The following CEP164 variants were observed in gnomAD, a reference collection of about 807,000 sequenced individuals.
The protein encoded by CEP164 is centrosomal protein 164, also known as centrosomal protein of 164 kDa.
In CEP164, 162 loss-of-function variants were observed where a neutral mutation model predicts 182.7. That is an observed-to-expected ratio of 0.89 (90% CI 0.78 to 1.01). The LOEUF (loss-of-function observed/expected upper bound fraction) is 1.01, where lower values mean the gene tolerates loss of function less well. Ranked by LOEUF, CEP164 falls within the 50% of genes least tolerant of loss-of-function variation. The probability of loss-of-function intolerance (pLI) is 0.00; values close to 1 mark genes in which losing one functional copy is unlikely to be tolerated. For missense variants in CEP164, 1,735 were observed against 1,790.4 expected (o/e 0.97, Z 0.56); for synonymous variants, 661 against 690.0 (o/e 0.96, Z 0.66).
chr11:117,391,949 T>G (rs1353696457), intron 17 of CEP164, among the ~76,000 whole-genome samples: 1 of 152,214 alleles, frequency 6.6e-6, no homozygotes, highest in Non-Finnish European at 1.5e-5. Flanking sequence ...GAGCACCATC[T>G]GTGGATCTGT....
chr11:117,336,073 G>A (rs1457787547), intron 2 of CEP164, among the ~76,000 whole-genome samples: 3 of 151,952 alleles, frequency 2.0e-5, no homozygotes, highest in African/African-American at 7.3e-5. Context: ...CAACAGCAGG[G>A]TGAGGCTCAG....
chr11:117,380,254 T>A (rs1440820389), intron 11 of CEP164, among the ~76,000 whole-genome samples: 1 of 152,136 alleles, frequency 6.6e-6, no homozygotes, highest in Non-Finnish European at 1.5e-5. Context: ...ACTCATGGAT[T>A]TCTCTGCTTT....
intron 14 of CEP164, chr11:117,386,345 A>G (rs1425683572): frequency 6.6e-6 from 1 of 152,236 alleles, no homozygotes; most frequent in Admixed American, 6.5e-5. Flanking sequence ...GAATGTTCTC[A>G]GGATTCCTCT....
At chr11:117,401,945 T>A (rs2136657216) in intron 27 of CEP164, among the ~76,000 whole-genome samples, 1 of 152,316 alleles carries the variant, frequency 6.6e-6, no homozygotes, top group Admixed American at 6.5e-5. Context: ...TTGATTTTTT[T>A]AAAGGGTTTT....
rs2041021444 is a variant in CEP164, at chr11:117,361,870, T to C, written c.429T>C (p.Pro143=). ...LGSSLAPVHV[P]LGGLAPLRGL... Reference sequence around the variant, plus strand: ...CCTCATTAGCCCCAGTTCATGTTCCTCTTGGGGGCCTGGCTCCTTTACGAG... The same window carrying C: ...CCTCATTAGCCCCAGTTCATGTTCCCCTTGGGGGCCTGGCTCCTTTACGAG... Residue 143 remains proline, a synonymous_variant, in exon 6 of 33, where the codon CCT becomes CCC. Transcript: ENST00000278935. 1.2e-6 allele frequency: 2 copies of C among 1,614,108 alleles called. No individual in the cohort carries two copies. The highest frequency in any genetic ancestry group is 2.2e-5 in the East Asian group (1 of 44,898).
Position 117,333,972 on chromosome 11 carries a change from G to A in CEP164, c.-97-1633G>A, listed in dbSNP as rs11216358. 7.0e-3 allele frequency among the ~76,000 whole-genome samples: 1,059 copies of A among 152,222 alleles called. 46 individuals carry two copies. Among genetic ancestry groups the A allele is most frequent in the Admixed American group, 0.063 (958 of 15,288 alleles). On this transcript the variant is annotated intron_variant, in intron 1 of 32. Coordinates refer to ENST00000278935, the MANE Select transcript of CEP164 (RefSeq NM_014956.5). ...CTTTTGCATGCATCTGTTAGAACAC[G>A]CTTTCCTTTTTTTCTTTGTCTAGTG...
chr11:117,350,912 G>T (rs1348829197), intron 4 of CEP164, among the ~76,000 whole-genome samples: 2 of 152,004 alleles, frequency 1.3e-5, no homozygotes, highest in Non-Finnish European at 2.9e-5. Flanking sequence ...TGTTGTTAAT[G>T]GTGGATGAGA....
chr11:117,394,948 A>G lies in CEP164; in HGVS notation c.2789A>G (p.Asp930Gly). The G allele has an allele frequency of 6.2e-7, 1 of 1,614,100 alleles. No individual in the cohort carries two copies. Among genetic ancestry groups the G allele is most frequent in the Non-Finnish European group, 8.5e-7 (1 of 1,180,006 alleles). ...AGGAAGCTCCAGGATTTAGAGTTGG[A>G]CCTTGAAACCAGAGCTAAAGATGTC... is the stretch of plus-strand genomic sequence containing the variant. ...QERKLQDLEL[D>G]LETRAKDVKA... Residue 930 changes from aspartate to glycine, a missense_variant, in exon 22 of 33, where the codon GAC (aspartate) becomes GGC (glycine). Transcript: ENST00000278935. The surrounding 1 kb of genome is among the most constrained non-coding windows in gnomAD (Gnocchi z 4.0).
intron 30 of CEP164, chr11:117,410,415 G>A (rs1283809567): frequency 3.5e-6 from 1 of 285,534 alleles, no homozygotes; most frequent in Non-Finnish European, 6.6e-6. Flanking sequence ...CTGAGTTTCA[G>A]AGAGTTTAAG....
chr11:117,366,356 T>C (rs1592190714), intron 8 of CEP164, among the ~76,000 whole-genome samples: 1 of 152,306 alleles, frequency 6.6e-6, no homozygotes, highest in East Asian at 1.9e-4. Context: ...GTCACTTTGC[T>C]CATGATTCCA....
At chr11:117,344,883 G>A (rs1565434989) in intron 4 of CEP164, among the ~76,000 whole-genome samples, 1 of 151,838 alleles carries the variant, frequency 6.6e-6, no homozygotes, top group Non-Finnish European at 1.5e-5. Context: ...AGCCGAGATT[G>A]CGGCACAGCA....
At chr11:117,333,260 C>T (rs1351467334) in intron 1 of CEP164, among the ~76,000 whole-genome samples, 1 of 152,108 alleles carries the variant, frequency 6.6e-6, no homozygotes, top group East Asian at 1.9e-4. Flanking sequence ...GATCCTCCTG[C>T]TTTAGCCTCC....
Position 117,354,496 on chromosome 11 carries a change from C to G in CEP164, c.393+2508C>G, listed in dbSNP as rs150998841. ...AAGAAATGGAGCTTCTTTGGTTGAACTTGGCAGTGTGGGTCTTTGTGACGC... is the reference window on the plus strand; with the variant it reads ...AAGAAATGGAGCTTCTTTGGTTGAAGTTGGCAGTGTGGGTCTTTGTGACGC... On this transcript the variant is annotated intron_variant, in intron 5 of 32. Coordinates refer to ENST00000278935, the MANE Select transcript of CEP164 (RefSeq NM_014956.5). Among the ~76,000 whole-genome samples the G allele has an allele frequency of 5.5e-3, 837 of 152,266 alleles. 6 individuals are homozygous for G. Among genetic ancestry groups the G allele is most frequent in the Non-Finnish European group, 7.0e-3 (473 of 68,016 alleles).
Position 117,409,072 on chromosome 11 carries a change from A to G in CEP164, c.3748+44A>G, listed in dbSNP as rs1340366833. On this transcript the variant is annotated intron_variant, in intron 29 of 32. Transcript: ENST00000278935. The surrounding 1 kb of genome is among the most constrained non-coding windows in gnomAD (Gnocchi z 4.4). ...GGGTGAGGACCATGGTATCCATGGAATGGGAGGAACTTGGGGAATAGAAGA... is the reference window on the plus strand; with the variant it reads ...GGGTGAGGACCATGGTATCCATGGAGTGGGAGGAACTTGGGGAATAGAAGA... 2 of 1,611,654 alleles carry G rather than the reference A, an allele frequency of 1.2e-6. No individual in the cohort carries two copies. Among genetic ancestry groups the G allele is most frequent in the Non-Finnish European group, 1.7e-6 (2 of 1,178,424 alleles).
chr11:117,350,192 A>G (rs767665928), intron 4 of CEP164, among the ~76,000 whole-genome samples: 4 of 150,372 alleles, frequency 2.7e-5, no homozygotes, highest in Admixed American at 6.7e-5. Flanking sequence ...TATAGGTGTG[A>G]GCCACCGCAC....
intron 4 of CEP164, among the ~76,000 whole-genome samples, chr11:117,351,335 T>C (rs1050877175): frequency 2.0e-5 from 3 of 152,222 alleles, no homozygotes; most frequent in Admixed American, 6.5e-5. Flanking sequence ...CTTATGAGTT[T>C]AGAGTCTTCT....
chr11:117,338,750 C>T lies in CEP164; in HGVS notation c.82+82C>T, dbSNP rs887596510. The T allele has an allele frequency of 2.7e-6, 3 of 1,102,944 alleles. No individual in the cohort carries two copies. The African/African-American group carries it at 4.6e-5, about 17-fold the overall frequency. The allele number at this position is 1,102,944 out of a possible 1,614,324, so 68.3% of individuals were successfully genotyped here. A position where few individuals can be genotyped will look rare whatever the true frequency, so the allele number is the denominator to read the frequency against. The stretch of plus-strand genomic sequence containing the variant: ...ATTGTCTGGTTTATTTTTATTCTTT[C>T]AGTGCAAAGTATGGTACATGTACAG... On this transcript the variant is annotated intron_variant, in intron 3 of 32. Coordinates refer to ENST00000278935, the MANE Select transcript of CEP164 (RefSeq NM_014956.5).
In CEP164 at chr11:117,412,392, T is replaced by C. The variant is rs146261411; in HGVS notation, c.*224T>C. ...TGTGGACTCGTACGAGCTCTTGTCA[T>C]TGACATGGCAAGCTGATGGCGTGCG... On this transcript the variant is annotated 3_prime_UTR_variant, in exon 33 of 33. Transcript: ENST00000278935. 7.4e-5 allele frequency: 31 copies of C among 416,652 alleles called. No individual in the cohort carries two copies. Among genetic ancestry groups the C allele is most frequent in the Non-Finnish European group, 1.2e-4 (27 of 230,828 alleles). The allele number at this position is 416,652 out of a possible 1,614,324, so 25.8% of individuals were successfully genotyped here.
intron 2 of CEP164, among the ~76,000 whole-genome samples, chr11:117,335,971 C>CT (rs201354780): frequency 0.038 from 5,802 of 152,210 alleles, 186 homozygotes; most frequent in Non-Finnish European, 0.059. Context: ...AGCTCCCCTG[C>CT]TAAACTCATT....
Sources: gnomAD v4.1 joint callset for allele counts (sites outside exome capture counted in the v4.1 genomes callset) on GRCh38, gnomAD v4.1.1 for gene constraint, Gnocchi (gnomAD v3.1) non-coding constraint, MANE v1.5 for transcripts, NCBI Gene and HGNC (gene_info 2026-07-23, HGNC 2026-07-21) for gene names.